The following CDKL4 variants were observed in gnomAD, a reference collection of about 807,000 sequenced individuals.
CDKL4 encodes the protein cyclin-dependent kinase-like 4.
A neutral mutation model predicts 42.0 loss-of-function variants in CDKL4; 44 were observed. That is an observed-to-expected ratio of 1.05 (90% CI 0.82 to 1.35). The LOEUF is 1.35. Ranked by LOEUF, CDKL4 falls within the 40% of genes most tolerant of loss-of-function variation. The probability of loss-of-function intolerance (pLI) is 0.00; values close to 1 mark genes in which losing one functional copy is unlikely to be tolerated. For synonymous variants in CDKL4, 120 were observed against 121.6 expected, an observed-to-expected ratio of 0.99 and a Z score of 0.09; for missense variants, 393 against 369.9, an observed-to-expected ratio of 1.06 and a Z score of -0.51.
chr2:39,175,696 G>C (rs917273756), exon 10 of CDKL4: 1 of 181,528 alleles, frequency 5.5e-6, no homozygotes, highest in African/African-American at 2.4e-5. Context: ...ATAAATCAAA[G>C]TATAAGCTCA....
intron 7 of CDKL4, among the ~76,000 whole-genome samples, chr2:39,185,165 T>G (rs527714392): frequency 1.5e-5 from 2 of 133,298 alleles, no homozygotes; most frequent in Non-Finnish European, 3.1e-5. Context: ...TATACACATA[T>G]GTATATATAT....
chr2:39,193,679 T>A (rs2148310870), intron 5 of CDKL4, among the ~76,000 whole-genome samples: 1 of 152,254 alleles, frequency 6.6e-6, no homozygotes, highest in East Asian at 1.9e-4. Flanking sequence ...CTGGCCCGTT[T>A]ATAAAATTGT....
intron 2 of CDKL4, among the ~76,000 whole-genome samples, chr2:39,228,113 T>C (rs1678869475): frequency 6.6e-6 from 1 of 152,188 alleles, no homozygotes; most frequent in Non-Finnish European, 1.5e-5. Flanking sequence ...TGGGCACTTG[T>C]AATGCAGAAG....
the CDKL4 span, among the ~76,000 whole-genome samples, chr2:39,170,414 T>A: frequency 1.3e-5 from 2 of 152,142 alleles, no homozygotes; most frequent in African/African-American, 4.8e-5. Flanking sequence ...ATCTTTGTGA[T>A]GAAGCTAACA....
At chr2:39,209,153 T>TAA (rs1558566477) in intron 4 of CDKL4, among the ~76,000 whole-genome samples, 5 of 67,266 alleles carry the variant, frequency 7.4e-5, no homozygotes, top group Non-Finnish European at 2.4e-4. Context: ...AAAAAAAATT[T>TAA]TTTTTTTAAA....
chr2:39,224,806 T>C (rs1678593810), intron 3 of CDKL4, among the ~76,000 whole-genome samples: 1 of 152,164 alleles, frequency 6.6e-6, no homozygotes, highest in Non-Finnish European at 1.5e-5. Flanking sequence ...TGTTAGATTT[T>C]CTAAAGTGTT....
At chr2:39,222,253 G>C (rs1018369188) in intron 3 of CDKL4, among the ~76,000 whole-genome samples, 1 of 152,130 alleles carries the variant, frequency 6.6e-6, no homozygotes, top group Non-Finnish European at 1.5e-5. Flanking sequence ...TCCAGATGAA[G>C]GAAACTTAGA....
intron 1 of CDKL4, among the ~76,000 whole-genome samples, chr2:39,235,069 G>C (rs1163803163): frequency 6.6e-6 from 1 of 151,938 alleles, no homozygotes; most frequent in African/African-American, 2.4e-5. Context: ...TAAAGATGGG[G>C]TCTTGGTTTG....
intron 3 of CDKL4, among the ~76,000 whole-genome samples, chr2:39,219,329 G>A (rs1309151249): frequency 6.6e-6 from 1 of 152,316 alleles, no homozygotes; most frequent in Middle Eastern, 3.4e-3. Flanking sequence ...GATGTAATGA[G>A]GACGGAAGGG....
At chr2:39,225,565 A>G (rs965220698) in intron 3 of CDKL4, among the ~76,000 whole-genome samples, 3 of 152,210 alleles carry the variant, frequency 2.0e-5, no homozygotes, top group Non-Finnish European at 2.9e-5. Flanking sequence ...GTATCAAACC[A>G]TGGTTCATTC....
chr2:39,226,456 TTA>T (rs1553393161), intron 2 of CDKL4, among the ~76,000 whole-genome samples: 2 of 137,440 alleles, frequency 1.5e-5, no homozygotes, highest in African/African-American at 5.6e-5. Flanking sequence ...TATATATATA[TTA>T]TATATATTAT....
At chr2:39,229,683 T>C (rs1310102215) in intron 1 of CDKL4, 95 bp from the exon 2 acceptor site, 3 of 502,774 alleles carry the variant, frequency 6.0e-6, no homozygotes, top group Non-Finnish European at 1.0e-5. Context: ...CAAAGGTTTA[T>C]ATTCATCAAT....
At chr2:39,233,498 T>C (rs970037601) in intron 1 of CDKL4, among the ~76,000 whole-genome samples, 2 of 152,166 alleles carry the variant, frequency 1.3e-5, no homozygotes, top group Non-Finnish European at 2.9e-5. Context: ...TTGAAGGGCA[T>C]GCGAATCCTC....
chr2:39,225,219 G>A (rs543364729), intron 3 of CDKL4, among the ~76,000 whole-genome samples: 1 of 152,028 alleles, frequency 6.6e-6, no homozygotes, highest in African/African-American at 2.4e-5. Context: ...GGCCAAGATG[G>A]TGAAACCCCG....
chr2:39,206,536 A>G (rs1278719317), intron 4 of CDKL4, among the ~76,000 whole-genome samples: 2 of 152,204 alleles, frequency 1.3e-5, no homozygotes, highest in Non-Finnish European at 2.9e-5. Context: ...GGCATTCCAG[A>G]AATGGGTTTC....
chr2:39,204,069 T>C (rs1186010881), intron 5 of CDKL4, among the ~76,000 whole-genome samples: 2 of 152,220 alleles, frequency 1.3e-5, no homozygotes, highest in Non-Finnish European at 2.9e-5. Context: ...TCCGTTTTCT[T>C]AGCACTCTCT....
chr2:39,236,563 G>C (rs61626830), intron 1 of CDKL4, among the ~76,000 whole-genome samples: 4 of 151,976 alleles, frequency 2.6e-5, no homozygotes, highest in African/African-American at 9.7e-5. Context: ...AGAACCATTC[G>C]TATACAAGGG....
intron 6 of CDKL4, 56 bp from the exon 7 acceptor site, chr2:39,187,765 T>C (rs1252041850): frequency 2.1e-5 from 26 of 1,229,400 alleles, no homozygotes; most frequent in Admixed American, 3.6e-5. Context: ...TAATCAAGTG[T>C]TTAAATGGTT....
Position 39,181,144 on chromosome 2 carries a change from C to G in CDKL4, c.793-1823G>C, listed in dbSNP as rs1283353266. On this transcript the variant is annotated intron_variant, in intron 8 of 9. Transcript: ENST00000451199. ...ACCCATTATGTATTTTGAATTCTCT[C>G]TCATCTCAATAGTATTAGACACTAC... Among the ~76,000 whole-genome samples the G allele has an allele frequency of 3.3e-5, 5 of 152,136 alleles. No individual in the cohort carries two copies. In the East Asian group the frequency reaches 7.7e-4, roughly 23 times the overall value.
Sources: gnomAD v4.1 joint callset for allele counts (sites outside exome capture counted in the v4.1 genomes callset) on GRCh38, gnomAD v4.1.1 for gene constraint, MANE v1.5 for transcripts, NCBI Gene and HGNC (gene_info 2026-07-23, HGNC 2026-07-21) for gene names.